The following ADAMDEC1 variants were observed in gnomAD, a reference collection of about 807,000 sequenced individuals.
ADAMDEC1 encodes ADAM DEC1.
Under a neutral mutation model 60.4 loss-of-function variants are expected in ADAMDEC1, and 62 were observed. The observed-to-expected ratio is 1.03, with a 90% confidence interval of 0.84 to 1.27. ADAMDEC1 has a LOEUF of 1.27. ADAMDEC1 is among the 50% of genes most tolerant of loss of function. The probability of loss-of-function intolerance (pLI) is 0.00; values close to 1 mark genes in which losing one functional copy is unlikely to be tolerated. For synonymous variants in ADAMDEC1, 210 were observed against 195.1 expected, an observed-to-expected ratio of 1.08 and a Z score of -0.64; for missense variants, 595 against 565.0, an observed-to-expected ratio of 1.05 and a Z score of -0.54.
chr8:24,405,520 C>CT lies in ADAMDEC1; in HGVS notation c.*231dup, dbSNP rs35303845. ...CTTTTTACTTTTTTTTTTCTTTTTT[C>CT]TTTTTTTTTAAAGATCATGAATTTG... On this transcript the variant is annotated 3_prime_UTR_variant, in exon 14 of 14. Transcript: ENST00000256412. 414 of 468,190 alleles carry CT rather than the reference C, an allele frequency of 8.8e-4. No homozygotes were observed. The highest frequency in any genetic ancestry group is 1.8e-3 in the East Asian group (50 of 28,182). The allele number at this position is 468,190 out of a possible 1,614,324, so 29.0% of individuals were successfully genotyped here.
intron 4 of ADAMDEC1, among the ~76,000 whole-genome samples, chr8:24,394,581 G>A (rs558023463): frequency 2.4e-4 from 36 of 152,126 alleles, no homozygotes; most frequent in Admixed American, 1.5e-3. Flanking sequence ...TCATCATCCC[G>A]TAGACAATAC....
intron 8 of ADAMDEC1, 138 bp downstream of exon 8, chr8:24,398,689 C>A (rs1367799095): frequency 1.1e-6 from 1 of 903,638 alleles, no homozygotes; most frequent in South Asian, 1.7e-5. Context: ...TTTAGCAGAA[C>A]AAGCATCAAC....
rs1180435592 is a variant in ADAMDEC1 at position 24,398,565 on chromosome 8, C to T, written c.762+14C>T. ...CTACTCAATGTGGTAAGACATTAGT[C>T]ATGTAAACCTCATGTTTCTGCATAG... On this transcript the variant is annotated intron_variant, in intron 8 of 13. Transcript: ENST00000256412. The T allele has an allele frequency of 6.4e-7, 1 of 1,557,330 alleles. No homozygotes were observed. Among genetic ancestry groups the T allele is most frequent in the South Asian group, 1.1e-5 (1 of 87,030 alleles).
At chr8:24,399,161 C>A (rs1028097173) in intron 9 of ADAMDEC1, 121 bp downstream of exon 9, 1 of 1,179,782 alleles carries the variant, frequency 8.5e-7, no homozygotes, top group Non-Finnish European at 1.2e-6. Flanking sequence ...TGACATTTTA[C>A]CACTAGCAAT....
intron 1 of ADAMDEC1, among the ~76,000 whole-genome samples, chr8:24,390,442 G>A (rs750993535): frequency 2.0e-5 from 3 of 152,176 alleles, no homozygotes; most frequent in Non-Finnish European, 4.4e-5. Flanking sequence ...ACACTGTTGG[G>A]ATGGGCACAA....
intron 11 of ADAMDEC1, among the ~76,000 whole-genome samples, chr8:24,401,581 C>T (rs1192538081): frequency 6.6e-6 from 1 of 152,238 alleles, no homozygotes; most frequent in East Asian, 1.9e-4. Context: ...CCTCAATTCT[C>T]AATGCAAAAT....
chr8:24,404,568 C>A (rs1189103766), intron 13 of ADAMDEC1, among the ~76,000 whole-genome samples: 1 of 152,130 alleles, frequency 6.6e-6, no homozygotes, highest in Non-Finnish European at 1.5e-5. Flanking sequence ...GGTAGTAGTT[C>A]TGTGTCTTAT....
chr8:24,385,208 G>T (rs1251422271), intron 1 of ADAMDEC1, among the ~76,000 whole-genome samples: 2 of 152,132 alleles, frequency 1.3e-5, no homozygotes, highest in African/African-American at 4.8e-5. Context: ...TAAAAGCCAA[G>T]CTGTAAACCT....
At chr8:24,402,306 A>G (rs950214485) in intron 12 of ADAMDEC1, among the ~76,000 whole-genome samples, 1 of 152,180 alleles carries the variant, frequency 6.6e-6, no homozygotes, top group African/African-American at 2.4e-5. Context: ...AGTTAAATGT[A>G]AAAAAGTAAA....
At chr8:24,384,735 G>A in intron 1 of ADAMDEC1, 143 bp downstream of exon 1, 1 of 683,222 alleles carries the variant, frequency 1.5e-6, no homozygotes, top group Non-Finnish European at 2.4e-6. Context: ...CTACCTCTCT[G>A]CAAAAGCGAA....
At chr8:24,396,338 A>G (rs147130825) in intron 5 of ADAMDEC1, among the ~76,000 whole-genome samples, 3,743 of 152,150 alleles carry the variant, frequency 0.025, 144 homozygotes, top group African/African-American at 0.086. Context: ...GTGAAACCCC[A>G]TCTCTACTAA....
At chr8:24,404,303 T>G (rs1363029788) in intron 13 of ADAMDEC1, among the ~76,000 whole-genome samples, 2 of 152,146 alleles carry the variant, frequency 1.3e-5, no homozygotes, top group African/African-American at 2.4e-5. Context: ...TTGACATTTG[T>G]GAGATTAGGG....
At chr8:24,405,187 T>C (rs1183929569) in intron 13 of ADAMDEC1, 105 bp from the exon 14 acceptor site, 5 of 1,151,742 alleles carry the variant, frequency 4.3e-6, no homozygotes, top group African/African-American at 3.1e-5. Flanking sequence ...ATATGAATTG[T>C]TATTCACATA....
At chr8:24,403,614 T>G (rs2129363095) in intron 12 of ADAMDEC1, among the ~76,000 whole-genome samples, 1 of 152,248 alleles carries the variant, frequency 6.6e-6, no homozygotes, top group African/African-American at 2.4e-5. Context: ...ACAAGTTGCC[T>G]TTAAAGTTTC....
At chr8:24,402,180 C>A (rs1234313244) in intron 12 of ADAMDEC1, 88 bp downstream of exon 12, 2 of 1,217,406 alleles carry the variant, frequency 1.6e-6, no homozygotes, top group Non-Finnish European at 2.3e-6. Flanking sequence ...TTTCTAAAGA[C>A]AAACTTGGCA....
At chr8:24,388,628 C>T (rs1471930696) in intron 1 of ADAMDEC1, among the ~76,000 whole-genome samples, 2 of 152,192 alleles carry the variant, frequency 1.3e-5, no homozygotes, top group African/African-American at 2.4e-5. Context: ...GTGCTTGATA[C>T]TCTTTTCTTT....
At chr8:24,399,842 A>G (rs990761088) in intron 10 of ADAMDEC1, among the ~76,000 whole-genome samples, 2 of 152,154 alleles carry the variant, frequency 1.3e-5, no homozygotes, top group Non-Finnish European at 2.9e-5. Flanking sequence ...TATGGCCAAG[A>G]ACTCCAGTGT....
At chr8:24,395,941 G>C (rs1253360119) in intron 5 of ADAMDEC1, 145 bp downstream of exon 5, 17 of 630,484 alleles carry the variant, frequency 2.7e-5, no homozygotes, top group Non-Finnish European at 2.7e-6. Flanking sequence ...GAAGAACAAA[G>C]TATTACCCTG....
intron 1 of ADAMDEC1, among the ~76,000 whole-genome samples, chr8:24,385,069 C>G (rs548585178): frequency 1.3e-5 from 2 of 152,092 alleles, no homozygotes; most frequent in South Asian, 2.1e-4. Context: ...GAAAAGGAAC[C>G]CTTTTTGTCT....
Sources: gnomAD v4.1 joint callset for allele counts (sites outside exome capture counted in the v4.1 genomes callset) on GRCh38, gnomAD v4.1.1 for gene constraint, MANE v1.5 for transcripts, NCBI Gene and HGNC (gene_info 2026-07-23, HGNC 2026-07-21) for gene names.